Variants in CFAP99 observed in about 807,000 individuals in gnomAD.
The protein encoded by CFAP99 is cilia and flagella associated protein 99.
In CFAP99, 84 loss-of-function variants were observed where a neutral mutation model predicts 82.7. The observed-to-expected ratio is 1.02, with a 90% CI of 0.85 to 1.22. The LOEUF (loss-of-function observed/expected upper bound fraction) is 1.22. Ranked by LOEUF, CFAP99 falls within the 50% of genes most tolerant of loss-of-function variation. The pLI, the probability that CFAP99 is intolerant of heterozygous loss-of-function variation, is 0.00. For missense variants in CFAP99, 1,059 were observed against 983.5 expected, an observed-to-expected ratio of 1.08 and a Z score of -1.03; for synonymous variants, 456 against 429.5, an observed-to-expected ratio of 1.06 and a Z score of -0.76.
exon 10 of CFAP99, chr4:2,451,336 G>C: frequency 1.3e-6 from 2 of 1,535,748 alleles, no homozygotes; most frequent in East Asian, 4.9e-5. Context: ...GCGGCAGGTG[G>C]AGCAGGAGCT....
At chr4:2,426,205 G>T (rs1251272229) in intron 1 of CFAP99, among the ~76,000 whole-genome samples, 5 of 152,144 alleles carry the variant, frequency 3.3e-5, no homozygotes, top group Admixed American at 1.3e-4. Flanking sequence ...ACCCAGGCCA[G>T]CCTGGGCCCC....
chr4:2,459,298 C>T, intron 13 of CFAP99, 40 bp downstream of exon 13: 1 of 1,485,612 alleles, frequency 6.7e-7, no homozygotes. Context: ...CCTCAGGGGC[C>T]TCCACGCTGG....
Position 2,449,662 on chromosome 4 carries a change from T to C in CFAP99, c.643-8T>C, listed in dbSNP as rs1354174794. The C allele has an allele frequency of 6.5e-7, 1 of 1,535,926 alleles. No homozygotes were observed. Among genetic ancestry groups the C allele is most frequent in the Non-Finnish European group, 8.7e-7 (1 of 1,146,824 alleles). On this transcript the variant is annotated splice_region_variant and splice_polypyrimidine_tract_variant and intron_variant, in intron 6 of 14. Transcript: ENST00000635017. Reference sequence around the variant, plus strand: ...GACCATAGGCTCTTCCTCCCACCACTTCAGCAGGTCCCCCAGAGCACCTAC... The same window carrying C: ...GACCATAGGCTCTTCCTCCCACCACCTCAGCAGGTCCCCCAGAGCACCTAC...
At chr4:2,440,134 G>A (rs547489414) in intron 4 of CFAP99, among the ~76,000 whole-genome samples, 3 of 137,150 alleles carry the variant, frequency 2.2e-5, no homozygotes, top group Admixed American at 7.5e-5. Context: ...GAGCCACTGC[G>A]CCCAGCTTGA....
At chr4:2,426,484 C>T (rs929555028) in exon 2 of CFAP99, 1 of 1,535,640 alleles carries the variant, frequency 6.5e-7, no homozygotes, top group Non-Finnish European at 8.7e-7. Flanking sequence ...AGATGGCCTA[C>T]TATGGAAAAT....
exon 14 of CFAP99, chr4:2,460,160 C>T (rs1016330131): frequency 1.8e-5 from 28 of 1,535,912 alleles, no homozygotes; most frequent in African/African-American, 1.4e-4. Context: ...TCAGGGCAAG[C>T]ACACCAAGAG....
intron 1 of CFAP99, among the ~76,000 whole-genome samples, chr4:2,426,020 G>A (rs565259122): frequency 2.6e-5 from 4 of 152,300 alleles, no homozygotes; most frequent in East Asian, 1.9e-4. Flanking sequence ...TGAAGAAACC[G>A]TCACCTTCCC....
At chr4:2,429,593 CT>C (rs33954359) in intron 2 of CFAP99, among the ~76,000 whole-genome samples, 6,782 of 139,036 alleles carry the variant, frequency 0.049, 416 homozygotes, top group African/African-American at 0.16. Context: ...TTCTTTCTTT[CT>C]TTTTTTTTTT....
At chr4:2,440,870 A>G (rs2108723403) in intron 4 of CFAP99, among the ~76,000 whole-genome samples, 1 of 152,142 alleles carries the variant, frequency 6.6e-6, no homozygotes, top group Admixed American at 6.5e-5. Flanking sequence ...CTGGGATTAC[A>G]GGCGTCAGCC....
rs539424177 is a variant in CFAP99 at position 2,440,307 on chromosome 4, C to T, written c.351+2143C>T. Among the ~76,000 whole-genome samples, 92 of 146,664 alleles carry T rather than the reference C, an allele frequency of 6.3e-4. No individual in the cohort carries two copies. The South Asian group carries it at 8.8e-3, about 14-fold the overall frequency. On this transcript the variant is annotated intron_variant, in intron 4 of 14. Coordinates refer to ENST00000635017, the Ensembl canonical transcript of CFAP99. ...GACTACAGGCGCCCGCCACTACGCC[C>T]GGCTAATTTTTTGTATTTTTAGTAG...
At chr4:2,442,128 T>C (rs1338794895) in intron 4 of CFAP99, among the ~76,000 whole-genome samples, 1 of 152,104 alleles carries the variant, frequency 6.6e-6, no homozygotes, top group Non-Finnish European at 1.5e-5. Context: ...GCACCCCAGC[T>C]GAGACGCTGA....
At chr4:2,454,886 T>C (rs1416361991) in intron 11 of CFAP99, among the ~76,000 whole-genome samples, 1 of 151,934 alleles carries the variant, frequency 6.6e-6, no homozygotes, top group East Asian at 1.9e-4. Context: ...CCTCCCAAAG[T>C]GCTGGGATTA....
chr4:2,443,917 G>GC (rs889858975), intron 5 of CFAP99, among the ~76,000 whole-genome samples: 2 of 152,098 alleles, frequency 1.3e-5, no homozygotes, highest in Non-Finnish European at 2.9e-5. Flanking sequence ...CAGCTGAGGG[G>GC]CCCCCCAGTT....
chr4:2,423,546 G>T (rs1733624787), intron 1 of CFAP99, among the ~76,000 whole-genome samples: 2 of 152,200 alleles, frequency 1.3e-5, no homozygotes, highest in South Asian at 4.1e-4. Context: ...TGGGGTGTGG[G>T]TGGTCTCTCT....
intron 11 of CFAP99, among the ~76,000 whole-genome samples, chr4:2,454,548 CTT>C (rs1734376942): frequency 7.0e-6 from 1 of 142,872 alleles, no homozygotes; most frequent in Non-Finnish European, 1.5e-5. Context: ...AATCTACTCT[CTT>C]AGCAATTTTT....
At chr4:2,434,492 C>A (rs1733867558) in intron 2 of CFAP99, among the ~76,000 whole-genome samples, 1 of 152,204 alleles carries the variant, frequency 6.6e-6, no homozygotes, top group African/African-American at 2.4e-5. Flanking sequence ...AAAAGCCAGT[C>A]CTGGCGCTCC....
intron 14 of CFAP99, among the ~76,000 whole-genome samples, chr4:2,461,934 G>A (rs1462690148): frequency 2.0e-5 from 3 of 151,778 alleles, no homozygotes; most frequent in East Asian, 3.9e-4. Flanking sequence ...TTTCACATTT[G>A]TACCCCAGTT....
chr4:2,429,818 C>G (rs976447127), intron 2 of CFAP99, among the ~76,000 whole-genome samples: 1 of 152,142 alleles, frequency 6.6e-6, no homozygotes, highest in Non-Finnish European at 1.5e-5. Flanking sequence ...GTCTTGATCT[C>G]CTGACCTTGT....
chr4:2,444,574 C>A (rs1734120790), intron 5 of CFAP99, among the ~76,000 whole-genome samples: 1 of 152,166 alleles, frequency 6.6e-6, no homozygotes, highest in East Asian at 1.9e-4. Context: ...GAAGGGGGAG[C>A]CCCACACTCG....
Sources: gnomAD v4.1 joint callset for allele counts (sites outside exome capture counted in the v4.1 genomes callset) on GRCh38, gnomAD v4.1.1 for gene constraint, MANE v1.5 for transcripts, NCBI Gene and HGNC (gene_info 2026-07-23, HGNC 2026-07-21) for gene names.